The following DMXL1 variants were observed in gnomAD, a reference collection of about 807,000 sequenced individuals.
DMXL1 encodes Dmx like 1.
DMXL1 carries 99 observed loss-of-function variants against 319.2 expected under a neutral mutation model. The observed-to-expected ratio is 0.31, with a 90% CI of 0.26 to 0.37. The LOEUF is 0.37. DMXL1 is among the 10% of genes least tolerant of loss of function. The probability of loss-of-function intolerance (pLI) is 1.00; values close to 1 mark genes in which losing one functional copy is unlikely to be tolerated. For missense variants in DMXL1, 3,745 were observed against 3,595.6 expected (o/e 1.04, Z -1.06); for synonymous variants, 1,385 against 1,235.2 (o/e 1.12, Z -2.54).
At chr5:119,184,339 C>G (rs904606659) in intron 28 of DMXL1, among the ~76,000 whole-genome samples, 5 of 152,210 alleles carry the variant, frequency 3.3e-5, no homozygotes, top group African/African-American at 1.2e-4. Flanking sequence ...GCTGGGATTA[C>G]AGGTGTGAGC....
chr5:119,085,702 C>G (rs1456896194), intron 1 of DMXL1, among the ~76,000 whole-genome samples: 1 of 152,108 alleles, frequency 6.6e-6, no homozygotes, highest in African/African-American at 2.4e-5. Context: ...CTTAACTGCT[C>G]TGGCCAGGAC....
chr5:119,116,405 T>C, intron 7 of DMXL1, 69 bp downstream of exon 7: 2 of 1,518,450 alleles, frequency 1.3e-6, no homozygotes. Context: ...ATTGCTTCTC[T>C]CACTTTTGAG....
Position 119,173,730 on chromosome 5 carries a change from ATG to A in DMXL1, c.6682-1525_6682-1524del, listed in dbSNP as rs1278895038. Among the ~76,000 whole-genome samples, 228 of 90,910 alleles carry A rather than the reference ATG, an allele frequency of 2.5e-3. 1 individual carries two copies. Among genetic ancestry groups the A allele is most frequent in the Non-Finnish European group, 3.7e-3 (169 of 45,628 alleles). 59.6% of individuals were successfully genotyped at this position (90,910 alleles called of 152,430 possible). ...TATATGTGTGTGTGTATATATATAT[ATG>A]TGTGTATATATATATGTGTGTGTAT... On this transcript the variant is annotated intron_variant, in intron 25 of 43. Transcript: ENST00000539542.
In DMXL1 at chr5:119,171,222, G is replaced by A; in HGVS notation, c.6431G>A (p.Gly2144Asp). 1.2e-6 allele frequency: 2 copies of A among 1,612,072 alleles called. No homozygotes were observed. The highest frequency in any genetic ancestry group is 8.5e-7 in the Non-Finnish European group (1 of 1,178,612). ...TACTGCATACTTCATGGATCCCATG[G>A]TGGGGGTCTTGCATCTGTAAGAATG... is the stretch of plus-strand genomic sequence containing the variant. ...LSYCILHGSHGGGLASVRMEL... is the reference protein window; with the variant it reads ...LSYCILHGSHDGGLASVRMEL... The change falls in exon 24 of 44, where the codon GGT becomes GAT. Residue 2144 changes from glycine to aspartate, a missense_variant. Transcript: ENST00000539542.
chr5:119,142,482 A>G lies in DMXL1; in HGVS notation c.2377-1359A>G, dbSNP rs74546215. Among the ~76,000 whole-genome samples the G allele has an allele frequency of 1.8e-3, 266 of 151,146 alleles. 6 individuals are homozygous for G. In the East Asian group the frequency reaches 0.048, roughly 28 times the overall value. On this transcript the variant is annotated intron_variant, in intron 13 of 43. Coordinates refer to ENST00000539542, the MANE Select transcript of DMXL1 (RefSeq NM_001290321.3). Reference sequence around the variant, plus strand: ...CAGATAAAAACCGCAATGTGGCACCATCTCACACCAGTCAGAATGGCTATT... The same window carrying G: ...CAGATAAAAACCGCAATGTGGCACCGTCTCACACCAGTCAGAATGGCTATT...
At chr5:119,110,044 G>A (rs1378147832) in intron 4 of DMXL1, 107 bp from the exon 5 acceptor site, 23 of 1,051,238 alleles carry the variant, frequency 2.2e-5, no homozygotes, top group Non-Finnish European at 2.7e-5. Flanking sequence ...AATTTTTTTT[G>A]ATATTTGACT....
intron 38 of DMXL1, among the ~76,000 whole-genome samples, chr5:119,229,162 A>C (rs916742391): frequency 6.8e-6 from 1 of 148,132 alleles, no homozygotes; most frequent in South Asian, 2.1e-4. Flanking sequence ...CAATAAAGGA[A>C]AAAAAAAAAA....
rs142519959 is a variant in DMXL1, at chr5:119,198,888, T to C, written c.7745+932T>C. Reference sequence around the variant, plus strand: ...TAGTACTAAGCCTGGTACCCAGTAGTTATTTTTCCTTTTTTGGAGACAAAG... The same window carrying C: ...TAGTACTAAGCCTGGTACCCAGTAGCTATTTTTCCTTTTTTGGAGACAAAG... On this transcript the variant is annotated intron_variant, in intron 32 of 43. Transcript: ENST00000539542. Among the ~76,000 whole-genome samples the C allele has an allele frequency of 1.1e-4, 16 of 152,292 alleles. No homozygotes were observed. In the East Asian group the frequency reaches 2.7e-3, roughly 26 times the overall value.
At chr5:119,110,061 TA>T (rs1023264646) in intron 4 of DMXL1, 89 bp from the exon 5 acceptor site, 4 of 1,255,268 alleles carry the variant, frequency 3.2e-6, no homozygotes, top group Non-Finnish European at 4.3e-6. Flanking sequence ...GACTTTTTTT[TA>T]GAAGTTGTTT....
At chr5:119,130,724 G>A (rs1406854476) in intron 10 of DMXL1, among the ~76,000 whole-genome samples, 1 of 152,116 alleles carries the variant, frequency 6.6e-6, no homozygotes, top group Non-Finnish European at 1.5e-5. Context: ...CCATGTCTAA[G>A]AGAAATGTCT....
chr5:119,121,092 A>T lies in DMXL1; in HGVS notation c.1055A>T (p.Asn352Ile), dbSNP rs562921376. Residue 352 changes from asparagine to isoleucine, a missense_variant, in exon 9 of 44, where the codon AAT becomes ATT. By Grantham distance (149) the Asn-to-Ile change is moderately radical. Transcript: ENST00000539542. The part of the protein sequence containing the change: ...HVHRNTPLHA[N>I]ALCHFHIAAS... ...CACAGGAACACTCCACTGCATGCCA[A>T]TGCACTTTGCCACTTTCATATTGCA... The T allele has an allele frequency of 6.2e-7, 1 of 1,610,368 alleles. No homozygotes were observed. Among genetic ancestry groups the T allele is most frequent in the Non-Finnish European group, 8.5e-7 (1 of 1,179,034 alleles).
At chr5:119,092,966 C>T (rs1372591466) in intron 1 of DMXL1, among the ~76,000 whole-genome samples, 2 of 152,080 alleles carry the variant, frequency 1.3e-5, no homozygotes, top group East Asian at 3.8e-4. Context: ...CATTGATGTA[C>T]AGGTTTTTGT....
intron 36 of DMXL1, 116 bp downstream of exon 36, chr5:119,220,709 A>G: frequency 7.5e-7 from 1 of 1,328,800 alleles, no homozygotes; most frequent in Non-Finnish European, 1.0e-6. Context: ...GCAGAGTAGA[A>G]GCTGATGTGC....
intron 19 of DMXL1, among the ~76,000 whole-genome samples, chr5:119,162,140 A>ATGTTTATT (rs1772411071): frequency 3.3e-5 from 5 of 152,168 alleles, no homozygotes; most frequent in Non-Finnish European, 5.9e-5. Flanking sequence ...TTGTACCGCA[A>ATGTTTATT]GCAAATCAGC....
At chr5:119,227,922 T>G (rs1035313617) in intron 38 of DMXL1, among the ~76,000 whole-genome samples, 4 of 152,212 alleles carry the variant, frequency 2.6e-5, no homozygotes, top group Non-Finnish European at 5.9e-5. Context: ...AAAAAGTAAT[T>G]GTTTTATCTT....
At chr5:119,192,367 A>G (rs1243777245) in intron 29 of DMXL1, among the ~76,000 whole-genome samples, 1 of 152,094 alleles carries the variant, frequency 6.6e-6, no homozygotes, top group African/African-American at 2.4e-5. Flanking sequence ...AATCCTTCAC[A>G]TCAGGACAGA....
At chr5:119,195,177 A>G (rs3992620) in intron 30 of DMXL1, among the ~76,000 whole-genome samples, 12,383 of 152,206 alleles carry the variant, frequency 0.081, 637 homozygotes, top group African/African-American at 0.14. Context: ...AACTGTGGAA[A>G]ACGGTATACT....
At chr5:119,145,615 T>C (rs1561712418) in intron 15 of DMXL1, among the ~76,000 whole-genome samples, 1 of 151,772 alleles carries the variant, frequency 6.6e-6, no homozygotes, top group Non-Finnish European at 1.5e-5. Flanking sequence ...TTAAAACTTT[T>C]AAAAGAAGTT....
intron 1 of DMXL1, among the ~76,000 whole-genome samples, chr5:119,092,278 A>G (rs1754971366): frequency 6.6e-6 from 1 of 151,616 alleles, no homozygotes; most frequent in East Asian, 1.9e-4. Flanking sequence ...TCTTTTATTT[A>G]AGAAAAATTC....
Sources: gnomAD v4.1 joint callset for allele counts (sites outside exome capture counted in the v4.1 genomes callset) on GRCh38, gnomAD v4.1.1 for gene constraint, MANE v1.5 for transcripts, NCBI Gene and HGNC (gene_info 2026-07-23, HGNC 2026-07-21) for gene names.